MAML2: variants seen among roughly 807,000 people sequenced by gnomAD.
MAML2 encodes the protein mastermind-like protein 2.
In MAML2, 22 loss-of-function variants were observed where a neutral mutation model predicts 96.1. That is an observed-to-expected ratio of 0.23 (90% CI 0.16 to 0.33). The LOEUF (loss-of-function observed/expected upper bound fraction) is 0.33, where lower values mean the gene tolerates loss of function less well. Ranked by LOEUF, MAML2 falls within the 10% of genes least tolerant of loss-of-function variation. The pLI is 1.00. For missense variants in MAML2, 1,367 were observed against 1,392.4 expected, an observed-to-expected ratio of 0.98 and a Z score of 0.29; for synonymous variants, 561 against 521.3, an observed-to-expected ratio of 1.08 and a Z score of -1.04.
chr11:96,326,954 C>T (rs528990859), intron 1 of MAML2, among the ~76,000 whole-genome samples: 51 of 152,038 alleles, frequency 3.4e-4, no homozygotes, highest in African/African-American at 1.1e-3. Flanking sequence ...TTACATTGAA[C>T]GGAATATAGG....
At chr11:96,002,000 T>A (rs755248017) in intron 2 of MAML2, among the ~76,000 whole-genome samples, 2 of 152,232 alleles carry the variant, frequency 1.3e-5, no homozygotes, top group African/African-American at 2.4e-5. Flanking sequence ...ACATCCTTTT[T>A]TTCTGGGCTC....
intron 2 of MAML2, among the ~76,000 whole-genome samples, chr11:96,054,376 C>A (rs1859030952): frequency 6.6e-6 from 1 of 150,936 alleles, no homozygotes; most frequent in Non-Finnish European, 1.5e-5. Flanking sequence ...AAATGTGAAA[C>A]AACCTGTTCT....
intron 1 of MAML2, among the ~76,000 whole-genome samples, chr11:96,206,865 C>T (rs552766942): frequency 6.6e-6 from 1 of 151,772 alleles, no homozygotes; most frequent in Admixed American, 6.6e-5. Context: ...AAAGGAGCAC[C>T]GGGAAAACAA....
rs377192014 is a variant in MAML2 at position 96,334,777 on chromosome 11, C to A, written c.513+6606G>T. Among the ~76,000 whole-genome samples, 16 of 152,306 alleles carry A rather than the reference C, an allele frequency of 1.1e-4. No homozygotes were observed. In the South Asian group the frequency reaches 3.3e-3, roughly 32 times the overall value. On this transcript the variant is annotated intron_variant, in intron 1 of 4. Transcript: ENST00000524717. ...CAATCTTGACGTAAGAGTTTAAAAC[C>A]TTTGCTAAAACATTAAGACCTTTGG... is the stretch of plus-strand genomic sequence containing the variant.
chr11:96,296,151 T>G (rs1195566817), intron 1 of MAML2, among the ~76,000 whole-genome samples: 1 of 152,148 alleles, frequency 6.6e-6, no homozygotes, highest in Non-Finnish European at 1.5e-5. Flanking sequence ...ATCCACCTGC[T>G]TCAGCCTCCA....
chr11:96,283,851 T>C (rs1257593808), intron 1 of MAML2, among the ~76,000 whole-genome samples: 2 of 152,152 alleles, frequency 1.3e-5, no homozygotes, highest in Non-Finnish European at 2.9e-5. Flanking sequence ...AAATTTGAGA[T>C]TTTTTGGTCT....
chr11:96,137,203 C>A (rs576257240), intron 1 of MAML2, among the ~76,000 whole-genome samples: 1 of 152,154 alleles, frequency 6.6e-6, no homozygotes, highest in Non-Finnish European at 1.5e-5. Context: ...AAAGAACAGA[C>A]TGCTAAATTG....
At chr11:96,230,913 T>C (rs1261320672) in intron 1 of MAML2, among the ~76,000 whole-genome samples, 1 of 152,264 alleles carries the variant, frequency 6.6e-6, no homozygotes, top group Non-Finnish European at 1.5e-5. Context: ...AATGTCCTCA[T>C]GGTCACATGA....
At chr11:96,284,011 T>C (rs6483493) in intron 1 of MAML2, among the ~76,000 whole-genome samples, 3,763 of 152,290 alleles carry the variant, frequency 0.025, 140 homozygotes, top group African/African-American at 0.084. Context: ...ATCAACTATA[T>C]CCTTCTATCA....
chr11:96,342,039 G>C lies in MAML2; in HGVS notation c.-144C>G, dbSNP rs1405936429. 1.3e-6 allele frequency: 1 copy of C among 777,346 alleles called. No homozygotes were observed. Among genetic ancestry groups the C allele is most frequent in the African/African-American group, 1.7e-5 (1 of 57,272 alleles). The allele number at this position is 777,346 out of a possible 1,614,324, so 48.2% of individuals were successfully genotyped here. The stretch of plus-strand genomic sequence containing the variant: ...AGAGGTCTTCAGAGGTTGTGGGGGA[G>C]CCGTGGAGAAGTTGTGGGGGAGGGG... On this transcript the variant is annotated 5_prime_UTR_variant, in exon 1 of 5. Transcript: ENST00000524717.
At chr11:96,324,131 T>C (rs1863744272) in intron 1 of MAML2, among the ~76,000 whole-genome samples, 1 of 152,210 alleles carries the variant, frequency 6.6e-6, no homozygotes, top group East Asian at 1.9e-4. Flanking sequence ...CCTATGTAAT[T>C]ATCTGCTCCT....
chr11:95,979,976 A>G lies in MAML2; in HGVS notation c.2456-13T>C. The G allele has an allele frequency of 2.5e-6, 4 of 1,599,610 alleles. No individual in the cohort carries two copies. The highest frequency in any genetic ancestry group is 3.4e-6 in the Non-Finnish European group (4 of 1,173,518). ...GTGGATGAGCCACCTGAGAAAAAGA[A>G]GAGAATTTTATTAGTTCGTAGCAGC... is the stretch of plus-strand genomic sequence containing the variant. On this transcript the variant is annotated splice_polypyrimidine_tract_variant and intron_variant, in intron 4 of 4. Coordinates refer to ENST00000524717, the MANE Select transcript of MAML2 (RefSeq NM_032427.4).
chr11:96,128,334 C>G (rs1195934641), intron 1 of MAML2, among the ~76,000 whole-genome samples: 4 of 152,010 alleles, frequency 2.6e-5, no homozygotes, highest in African/African-American at 9.7e-5. Context: ...GCGGAGGTTG[C>G]AGTGAGCCAA....
intron 1 of MAML2, among the ~76,000 whole-genome samples, chr11:96,296,971 C>T (rs1863308769): frequency 6.6e-6 from 1 of 152,208 alleles, no homozygotes. Context: ...TGAATCCTTA[C>T]TGTGGTGCCC....
chr11:96,022,916 C>T (rs1000233930), intron 2 of MAML2, among the ~76,000 whole-genome samples: 6 of 152,150 alleles, frequency 3.9e-5, no homozygotes, highest in Non-Finnish European at 8.8e-5. Context: ...CGCTTAACCT[C>T]AAAACCAGTG....
At chr11:96,245,361 A>G (rs185235552) in intron 1 of MAML2, among the ~76,000 whole-genome samples, 2 of 152,100 alleles carry the variant, frequency 1.3e-5, no homozygotes, top group Non-Finnish European at 2.9e-5. Flanking sequence ...TTTATAGTAT[A>G]TTAATGCCAT....
chr11:96,015,138 C>T (rs1332975606), intron 2 of MAML2, among the ~76,000 whole-genome samples: 1 of 152,216 alleles, frequency 6.6e-6, no homozygotes, highest in Non-Finnish European at 1.5e-5. Context: ...AGAGCCCTGC[C>T]ATAATATCCG....
chr11:95,998,174 G>GTCTGTCTGTCTATCTGTCTATCTA (rs139615820), intron 2 of MAML2, among the ~76,000 whole-genome samples: 1 of 147,716 alleles, frequency 6.8e-6, no homozygotes, highest in East Asian at 2.0e-4. Context: ...CTGTCTGTCT[G>GTCTGTCTGTCTATCTGTCTATCTA]TCTATCTATC....
At chr11:96,270,454 C>T (rs557815389) in intron 1 of MAML2, among the ~76,000 whole-genome samples, 24 of 152,202 alleles carry the variant, frequency 1.6e-4, no homozygotes, top group Admixed American at 3.9e-4. Flanking sequence ...GGATTACAGA[C>T]GGGTGCCACC....
Sources: allele counts gnomAD v4.1 joint callset (sites outside exome capture counted in the v4.1 genomes callset), GRCh38; gene constraint gnomAD v4.1.1; transcripts MANE v1.5; gene names NCBI Gene and HGNC (gene_info 2026-07-23, HGNC 2026-07-21).